ZC3H7B: variants seen among roughly 807,000 people sequenced by gnomAD.
ZC3H7B encodes the protein zinc finger CCCH domain-containing protein 7B.
In ZC3H7B, 35 loss-of-function variants were observed where a neutral mutation model predicts 116.0. The observed-to-expected ratio is 0.30, with a 90% CI of 0.23 to 0.40. The LOEUF (loss-of-function observed/expected upper bound fraction) is 0.40, where lower values mean the gene tolerates loss of function less well. Among genes scored for constraint, ZC3H7B ranks in the 10% least tolerant of loss-of-function variants. The pLI, the probability that ZC3H7B is intolerant of heterozygous loss-of-function variation, is 1.00. For synonymous variants in ZC3H7B, 502 were observed against 545.6 expected, an observed-to-expected ratio of 0.92 and a Z score of 1.11; for missense variants, 1,011 against 1,321.5, an observed-to-expected ratio of 0.77 and a Z score of 3.64.
At chr22:41,306,973 CTTTTT>C (rs398061942) in intron 1 of ZC3H7B, among the ~76,000 whole-genome samples, 1 of 129,070 alleles carries the variant, frequency 7.7e-6, no homozygotes, top group African/African-American at 2.8e-5. Flanking sequence ...CAGCTCCTTT[CTTTTT>C]TTTTTTTTTT....
In ZC3H7B at chr22:41,357,180, C is replaced by T; in HGVS notation, c.2685C>T (p.Leu895=). The part of the protein sequence containing the change: ...PMGEFRLCDR[L]QKGKACPDGD... Reference sequence around the variant, plus strand: ...GTGAGCCTCCTGCCACCCACAGGCTCCAGAAGGGCAAAGCCTGCCCAGATG... The same window carrying T: ...GTGAGCCTCCTGCCACCCACAGGCTTCAGAAGGGCAAAGCCTGCCCAGATG... Residue 895 remains leucine, a synonymous_variant, in exon 23 of 23, where the codon CTC becomes CTT. Transcript: ENST00000352645. The surrounding 1 kb of genome is among the most constrained non-coding windows in gnomAD (Gnocchi z 5.4). The T allele has an allele frequency of 6.2e-7, 1 of 1,612,890 alleles. No individual in the cohort carries two copies. The highest frequency in any genetic ancestry group is 8.5e-7 in the Non-Finnish European group (1 of 1,179,774).
intron 2 of ZC3H7B, among the ~76,000 whole-genome samples, chr22:41,324,027 G>T (rs180693954): frequency 3.3e-5 from 5 of 152,172 alleles, no homozygotes; most frequent in African/African-American, 9.6e-5. Context: ...CCGAGATTGG[G>T]CCACTGCACT....
chr22:41,324,768 G>T (rs76764803), intron 2 of ZC3H7B, among the ~76,000 whole-genome samples: 4 of 152,204 alleles, frequency 2.6e-5, no homozygotes, highest in South Asian at 2.1e-4. Context: ...GGGGCCTGAG[G>T]TGGACTCCCG....
intron 7 of ZC3H7B, among the ~76,000 whole-genome samples, chr22:41,337,308 A>G (rs1325003521): frequency 1.3e-5 from 2 of 151,742 alleles, no homozygotes; most frequent in Non-Finnish European, 2.9e-5. Flanking sequence ...AGCTTAGGGA[A>G]CAGAGTGAGA....
At chr22:41,354,916 C>G (rs2036694169) in intron 17 of ZC3H7B, among the ~76,000 whole-genome samples, 1 of 152,198 alleles carries the variant, frequency 6.6e-6, no homozygotes, top group African/African-American at 2.4e-5. Flanking sequence ...CACCACCACC[C>G]TACCCCTGCC....
At chr22:41,312,765 G>C (rs891189490) in intron 1 of ZC3H7B, among the ~76,000 whole-genome samples, 1 of 151,828 alleles carries the variant, frequency 6.6e-6, no homozygotes, top group East Asian at 1.9e-4. Context: ...AAAAAAATTA[G>C]CCAAGCGTGA....
chr22:41,355,443 C>T (rs765254658), intron 17 of ZC3H7B, 26 bp from the exon 18 acceptor site: 1 of 1,612,618 alleles, frequency 6.2e-7, no homozygotes, highest in East Asian at 2.2e-5. Flanking sequence ...GCAGCTTCAC[C>T]AACCCCCCTC....
At chr22:41,306,636 C>T (rs2036045083) in intron 1 of ZC3H7B, among the ~76,000 whole-genome samples, 1 of 152,196 alleles carries the variant, frequency 6.6e-6, no homozygotes. Context: ...TCTCAAAGTG[C>T]TGGGATTACA....
intron 13 of ZC3H7B, 152 bp downstream of exon 13, chr22:41,343,728 C>A: frequency 8.9e-7 from 1 of 1,120,882 alleles, no homozygotes; most frequent in Non-Finnish European, 1.2e-6. Context: ...TCCTGGGGCC[C>A]GTGCAGGATG....
Position 41,340,089 on chromosome 22 carries a change from A to T in ZC3H7B, c.1090A>T (p.Ser364Cys), listed in dbSNP as rs746618789. 1 of 1,611,802 alleles carries T rather than the reference A, an allele frequency of 6.2e-7. No homozygotes were observed. Among genetic ancestry groups the T allele is most frequent in the South Asian group, 1.1e-5 (1 of 91,012 alleles). The change falls in exon 10 of 23, where the codon AGC becomes TGC. Residue 364 changes from serine (S) to cysteine (C), a missense_variant. Physicochemically the swap from Ser to Cys is moderately radical, Grantham distance 112. Around this residue, in one of 5 missense-constraint regions of ZC3H7B, gnomAD observed 99 missense variants for 89.5 expected, o/e 1.11. Transcript: ENST00000352645. ...GGAGACCCGGCTGGATGCACTCGAC[A>T]GCTTTGGGTCGACACGAGGCTCCCT... ...YSETRLDALD[S>C]FGSTRGSLDK... is the part of the protein sequence containing the mutation.
intron 11 of ZC3H7B, among the ~76,000 whole-genome samples, chr22:41,341,494 A>G (rs1028628705): frequency 3.9e-5 from 6 of 152,234 alleles, no homozygotes; most frequent in African/African-American, 1.4e-4. Flanking sequence ...CTGTAATCCC[A>G]GCACTTTGGG....
At chr22:41,309,054 C>T (rs2036084221) in intron 1 of ZC3H7B, among the ~76,000 whole-genome samples, 2 of 140,464 alleles carry the variant, frequency 1.4e-5, no homozygotes, top group African/African-American at 5.1e-5. Flanking sequence ...CTCTGTCGCC[C>T]AGGCTGGAGT....
rs1419260679 is a variant in ZC3H7B, at chr22:41,338,836, C to T, written c.626-165C>T. ...TGGGGCTGTGGCCTTCCTTGACCACCCCCTGAGCATCTGCCAGTGGGATCA... is the reference window on the plus strand; with the variant it reads ...TGGGGCTGTGGCCTTCCTTGACCACTCCCTGAGCATCTGCCAGTGGGATCA... On this transcript the variant is annotated intron_variant, in intron 8 of 22. Coordinates refer to ENST00000352645, the MANE Select transcript of ZC3H7B (RefSeq NM_017590.6). This position sits in a 1 kb window ranked among gnomAD's most constrained non-coding sequence, Gnocchi z 4.5. Among the ~76,000 whole-genome samples the T allele has an allele frequency of 6.6e-6, 1 of 152,154 alleles. No homozygotes were observed. The highest frequency in any genetic ancestry group is 1.9e-4 in the East Asian group (1 of 5,192).
At chr22:41,311,635 T>G (rs1156805279) in intron 1 of ZC3H7B, among the ~76,000 whole-genome samples, 2 of 151,834 alleles carry the variant, frequency 1.3e-5, no homozygotes, top group Non-Finnish European at 2.9e-5. Context: ...ATAAGAGATA[T>G]GAGTCTGAAA....
At chr22:41,345,803 GT>G (rs2036576846) in intron 13 of ZC3H7B, among the ~76,000 whole-genome samples, 199 bp from the exon 14 acceptor site, 1 of 152,058 alleles carries the variant, frequency 6.6e-6, no homozygotes, top group Admixed American at 6.5e-5. Flanking sequence ...AGGGGGCCTG[GT>G]ATTTGGAAAG....
At chr22:41,356,598 G>A (rs767786546) in intron 21 of ZC3H7B, 47 bp from the exon 22 acceptor site, 25 of 1,611,510 alleles carry the variant, frequency 1.6e-5, no homozygotes, top group South Asian at 7.7e-5. Context: ...TGGGTGGTCC[G>A]GGCAGAGGTG....
At position 41,351,578 on chromosome 22, in the gene ZC3H7B, A is replaced by C; in HGVS notation, c.1966A>C (p.Ile656Leu). 1 of 1,613,750 alleles carries C rather than the reference A, an allele frequency of 6.2e-7. No individual in the cohort carries two copies. Among genetic ancestry groups the C allele is most frequent in the Non-Finnish European group, 8.5e-7 (1 of 1,179,852 alleles). Residue 656 changes from isoleucine (I) to leucine (L), a missense_variant, in exon 17 of 23, where the codon ATC (isoleucine) becomes CTC (leucine). Physicochemically the swap from Ile to Leu is conservative, Grantham distance 5. Around this residue, in one of 5 missense-constraint regions of ZC3H7B, gnomAD observed 406 missense variants for 590.2 expected, o/e 0.69. Transcript: ENST00000352645. The surrounding 1 kb of genome is among the most constrained non-coding windows in gnomAD (Gnocchi z 5.1). ...CTCCCCAGGCATGACCCACGAAGACATCGTTCAGGAGTCTAAGAAGTACTG... is the reference window on the plus strand; with the variant it reads ...CTCCCCAGGCATGACCCACGAAGACCTCGTTCAGGAGTCTAAGAAGTACTG... ...QQYSGMTHED[I>L]VQESKKYWQQ...
Position 41,332,209 on chromosome 22 carries a change from G to T in ZC3H7B, c.564G>T (p.Ala188=), listed in dbSNP as rs141222295. The T allele has an allele frequency of 6.2e-7, 1 of 1,614,198 alleles. No homozygotes were observed. The highest frequency in any genetic ancestry group is 1.3e-5 in the African/African-American group (1 of 75,054). The change falls in exon 7 of 23, where the codon GCG becomes GCT. Residue 188 remains alanine (A), a synonymous_variant. Coordinates refer to ENST00000352645, the MANE Select transcript of ZC3H7B (RefSeq NM_017590.6). ...TTTCTCTGCTCAGTAACGGCACTGCGGCTGGCGTGGCAGATCAGGTAGGAT... is the reference window on the plus strand; with the variant it reads ...TTTCTCTGCTCAGTAACGGCACTGCTGCTGGCGTGGCAGATCAGGTAGGAT... The part of the protein sequence containing the change: ...ETFSLLSNGT[A]AGVADQGTSN...
At chr22:41,343,960 C>T (rs1278493399) in intron 13 of ZC3H7B, among the ~76,000 whole-genome samples, 3 of 152,138 alleles carry the variant, frequency 2.0e-5, no homozygotes, top group Admixed American at 6.5e-5. Flanking sequence ...TTAGGACTGG[C>T]GCATGGTGAG....
Sources: gnomAD v4.1 joint callset for allele counts (sites outside exome capture counted in the v4.1 genomes callset) on GRCh38, gnomAD v4.1.1 for gene constraint, gnomAD v4.1.1 regional missense constraint, Gnocchi (gnomAD v3.1) non-coding constraint, MANE v1.5 for transcripts, NCBI Gene and HGNC (gene_info 2026-07-23, HGNC 2026-07-21) for gene names.